CREG2: variants seen among roughly 807,000 people sequenced by gnomAD.
The protein encoded by CREG2 is protein CREG2.
In CREG2, 24 loss-of-function variants were observed where a neutral mutation model predicts 26.2. The observed-to-expected ratio is 0.92, with a 90% CI of 0.66 to 1.29. CREG2 has a LOEUF of 1.29. CREG2 is among the 50% of genes most tolerant of loss of function. The pLI is 0.00. For missense variants in CREG2, 366 were observed against 398.6 expected (o/e 0.92, Z 0.70); for synonymous variants, 174 against 169.2 (o/e 1.03, Z -0.22).
At chr2:101,378,506 G>T (rs945657550) in intron 2 of CREG2, among the ~76,000 whole-genome samples, 12 of 152,112 alleles carry the variant, frequency 7.9e-5, no homozygotes, top group East Asian at 1.9e-4. Flanking sequence ...GCAGGAGTTC[G>T]CACTTTATAA....
At chr2:101,383,074 C>T (rs1684903087) in intron 2 of CREG2, 1 of 797,754 alleles carries the variant, frequency 1.3e-6, no homozygotes, top group Non-Finnish European at 1.5e-6. Context: ...CCTTATTGCA[C>T]ATATCTCTGG....
chr2:101,382,945 G>C (rs1431216353), intron 2 of CREG2: 9 of 985,608 alleles, frequency 9.1e-6, no homozygotes, highest in Non-Finnish European at 1.1e-5. Context: ...GCGAGTTCAG[G>C]CTTTGCATTT....
At chr2:101,373,745 C>T (rs1684747638) in intron 2 of CREG2, among the ~76,000 whole-genome samples, 1 of 152,162 alleles carries the variant, frequency 6.6e-6, no homozygotes, top group Non-Finnish European at 1.5e-5. Flanking sequence ...AAAGAAGTGA[C>T]TGCAGGTTAC....
At chr2:101,372,274 C>T (rs1195192403) in intron 2 of CREG2, among the ~76,000 whole-genome samples, 1 of 152,210 alleles carries the variant, frequency 6.6e-6, no homozygotes, top group Non-Finnish European at 1.5e-5. Flanking sequence ...TTTAAGTGTT[C>T]ACGCCTACGC....
chr2:101,367,640 G>C (rs1684637978), intron 2 of CREG2, among the ~76,000 whole-genome samples: 1 of 152,166 alleles, frequency 6.6e-6, no homozygotes, highest in Non-Finnish European at 1.5e-5. Flanking sequence ...CTAATCCCCG[G>C]AATGTGTGAA....
chr2:101,381,148 C>A (rs1162874478), intron 2 of CREG2, among the ~76,000 whole-genome samples: 2 of 152,180 alleles, frequency 1.3e-5, no homozygotes, highest in Non-Finnish European at 2.9e-5. Context: ...ACGATCTCTG[C>A]CTTTGCTGGA....
At chr2:101,372,646 T>A (rs146478621) in intron 2 of CREG2, among the ~76,000 whole-genome samples, 1 of 152,200 alleles carries the variant, frequency 6.6e-6, no homozygotes. Flanking sequence ...GCAACTGGAA[T>A]GTCAATATTG....
chr2:101,374,900 G>T (rs992783515), intron 2 of CREG2, among the ~76,000 whole-genome samples: 3 of 152,290 alleles, frequency 2.0e-5, no homozygotes, highest in Non-Finnish European at 4.4e-5. Flanking sequence ...TCACACAGAA[G>T]AAACAATTAA....
intron 2 of CREG2, among the ~76,000 whole-genome samples, chr2:101,370,700 C>A (rs2104479165): frequency 6.6e-6 from 1 of 152,248 alleles, no homozygotes. Context: ...AATCAGGTGG[C>A]TCTCCTGGGC....
At chr2:101,373,563 A>T (rs779905242) in intron 2 of CREG2, among the ~76,000 whole-genome samples, 10 of 152,208 alleles carry the variant, frequency 6.6e-5, no homozygotes, top group Non-Finnish European at 1.0e-4. Flanking sequence ...CTTAAGATGG[A>T]GTCATGTCTA....
intron 2 of CREG2, among the ~76,000 whole-genome samples, chr2:101,364,069 G>T (rs1684585352): frequency 6.6e-6 from 1 of 152,160 alleles, no homozygotes; most frequent in African/African-American, 2.4e-5. Flanking sequence ...CCTTGCACTT[G>T]GTTGGCAGGG....
At chr2:101,360,326 G>A (rs777156835) in intron 2 of CREG2, among the ~76,000 whole-genome samples, 1 of 152,154 alleles carries the variant, frequency 6.6e-6, no homozygotes, top group African/African-American at 2.4e-5. Flanking sequence ...TGTGGCTTGC[G>A]TGTTCCTGGA....
chr2:101,370,163 C>A (rs536745593), intron 2 of CREG2, among the ~76,000 whole-genome samples: 4 of 152,284 alleles, frequency 2.6e-5, no homozygotes, highest in Non-Finnish European at 5.9e-5. Flanking sequence ...AAGGTGCTAA[C>A]AAGTGTACCT....
At chr2:101,377,545 A>G (rs1387382613) in intron 2 of CREG2, among the ~76,000 whole-genome samples, 1 of 152,222 alleles carries the variant, frequency 6.6e-6, no homozygotes, top group Non-Finnish European at 1.5e-5. Flanking sequence ...GAATTTTCAC[A>G]AAGTAGATTT....
In CREG2 at chr2:101,349,303, T is replaced by C. The variant is rs1573297802; in HGVS notation, c.*1620A>G. Reference sequence around the variant, plus strand: ...TAGAAATCACTACTGTTAGGAACTCTTTTGAGGACTGGCTTATGACAAATA... The same window carrying C: ...TAGAAATCACTACTGTTAGGAACTCCTTTGAGGACTGGCTTATGACAAATA... On this transcript the variant is annotated 3_prime_UTR_variant, in exon 4 of 4. Transcript: ENST00000324768. The C allele has an allele frequency of 6.6e-6, 1 of 152,644 alleles. No individual in the cohort carries two copies. The highest frequency in any genetic ancestry group is 1.5e-5 in the Non-Finnish European group (1 of 68,040). The allele number at this position is 152,644 out of a possible 1,614,324, so 9.5% of individuals were successfully genotyped here.
intron 2 of CREG2, among the ~76,000 whole-genome samples, chr2:101,371,804 T>G (rs6543038): frequency 0.85 from 129,539 of 152,126 alleles, 55,504 homozygotes; most frequent in East Asian, 1. Context: ...GACCAGGGAA[T>G]GGTATGGGCT....
chr2:101,357,247 T>C (rs1277166256), intron 2 of CREG2, among the ~76,000 whole-genome samples: 3 of 151,726 alleles, frequency 2.0e-5, no homozygotes, highest in Admixed American at 6.6e-5. Context: ...GGTCTTGAAC[T>C]CCTGACCTCA....
intron 2 of CREG2, among the ~76,000 whole-genome samples, chr2:101,365,962 G>A (rs1164039744): frequency 6.6e-6 from 1 of 152,124 alleles, no homozygotes; most frequent in Non-Finnish European, 1.5e-5. Flanking sequence ...CACAACCATT[G>A]TGAAATTAGA....
At chr2:101,386,953 T>C (rs1251417729) in intron 1 of CREG2, 64 bp downstream of exon 1, 2 of 1,227,140 alleles carry the variant, frequency 1.6e-6, no homozygotes, top group Non-Finnish European at 2.0e-6. Context: ...AGCACGTCCC[T>C]GTCCCCGTCC....
Sources: gnomAD v4.1 joint callset for allele counts (sites outside exome capture counted in the v4.1 genomes callset) on GRCh38, gnomAD v4.1.1 for gene constraint, MANE v1.5 for transcripts, NCBI Gene and HGNC (gene_info 2026-07-23, HGNC 2026-07-21) for gene names.